PRMT8: variants seen among roughly 807,000 people sequenced by gnomAD.
PRMT8 encodes protein arginine N-methyltransferase 8.
In PRMT8, 7 loss-of-function variants were observed where a neutral mutation model predicts 47.1. That is an observed-to-expected ratio of 0.15 (90% confidence interval 0.08 to 0.28). The LOEUF is 0.28. Among genes scored for constraint, PRMT8 ranks in the 10% least tolerant of loss-of-function variants. The probability of loss-of-function intolerance (pLI) is 1.00; values close to 1 mark genes in which losing one functional copy is unlikely to be tolerated. For synonymous variants in PRMT8, 188 were observed against 186.5 expected (o/e 1.01, Z -0.07); for missense variants, 237 against 505.4 (o/e 0.47, Z 5.09).
intron 1 of PRMT8, among the ~76,000 whole-genome samples, chr12:3,515,967 T>G (rs557768686): frequency 6.6e-6 from 1 of 152,336 alleles, no homozygotes; most frequent in South Asian, 2.1e-4. Flanking sequence ...ACTTTACCTG[T>G]AAGGTCTCTG....
chr12:3,401,097 A>G lies in PRMT8; in HGVS notation c.48+19655A>G, dbSNP rs1320295008. 2.1e-5 allele frequency among the ~76,000 whole-genome samples: 3 copies of G among 145,588 alleles called. No homozygotes were observed. The East Asian group carries it at 6.4e-4, about 31-fold the overall frequency. On this transcript the variant is annotated intron_variant, in intron 1 of 9. Transcript: ENST00000452611. ...GGGAGGTGGAGGTTGTGGTGAGCTG[A>G]GATCGCACCATTACACTCCAGCCTG...
chr12:3,384,812 G>A (rs1864124547), intron 1 of PRMT8, among the ~76,000 whole-genome samples: 1 of 152,176 alleles, frequency 6.6e-6, no homozygotes, highest in Non-Finnish European at 1.5e-5. Context: ...CCCTCCTGGT[G>A]TGTTGGATGA....
chr12:3,558,028 G>T (rs1320460813), intron 4 of PRMT8, among the ~76,000 whole-genome samples: 4 of 152,084 alleles, frequency 2.6e-5, no homozygotes, highest in Non-Finnish European at 4.4e-5. Flanking sequence ...AATGTCTGGG[G>T]CTCTGGAAAC....
chr12:3,558,246 C>G (rs1261802351), intron 4 of PRMT8, among the ~76,000 whole-genome samples: 1 of 151,798 alleles, frequency 6.6e-6, no homozygotes, highest in Non-Finnish European at 1.5e-5. Flanking sequence ...TCCCCTTCCT[C>G]CCCTTCCTTC....
intron 7 of PRMT8, among the ~76,000 whole-genome samples, chr12:3,577,645 T>C (rs113617354): frequency 4.8e-4 from 72 of 151,136 alleles, no homozygotes; most frequent in Non-Finnish European, 7.2e-4. Context: ...CACAAATTCG[T>C]AAACTTAAAA....
chr12:3,428,770 T>TTC (rs970933891), intron 1 of PRMT8, among the ~76,000 whole-genome samples: 32 of 148,422 alleles, frequency 2.2e-4, no homozygotes, highest in African/African-American at 7.2e-4. Flanking sequence ...GCCTCTCTCT[T>TTC]TCTCTCTCTC....
chr12:3,475,240 A>C (rs1002010711), intron 1 of PRMT8, among the ~76,000 whole-genome samples: 1 of 152,034 alleles, frequency 6.6e-6, no homozygotes, highest in Non-Finnish European at 1.5e-5. Context: ...GTCATGAAGG[A>C]GAGGGGGACA....
chr12:3,459,275 A>C (rs986368317), intron 1 of PRMT8, among the ~76,000 whole-genome samples: 5 of 152,208 alleles, frequency 3.3e-5, no homozygotes, highest in African/African-American at 7.2e-5. Flanking sequence ...TGGATGGAAT[A>C]GATGGGCCCT....
At chr12:3,475,786 T>C (rs976630100) in intron 1 of PRMT8, among the ~76,000 whole-genome samples, 14 of 152,046 alleles carry the variant, frequency 9.2e-5, no homozygotes, top group African/African-American at 3.4e-4. Context: ...GGCTGCTGAT[T>C]CTTGGGGAGG....
At chr12:3,432,753 T>C (rs1356926331) in intron 1 of PRMT8, among the ~76,000 whole-genome samples, 1 of 152,174 alleles carries the variant, frequency 6.6e-6, no homozygotes, top group Non-Finnish European at 1.5e-5. Flanking sequence ...AAAAAATTCT[T>C]TTTTTGTGGT....
chr12:3,448,029 G>C (rs527972113), intron 1 of PRMT8, among the ~76,000 whole-genome samples: 1 of 152,168 alleles, frequency 6.6e-6, no homozygotes, highest in Non-Finnish European at 1.5e-5. Context: ...TTCTTGCTCT[G>C]TTGCCCAAGC....
chr12:3,479,885 C>A (rs920221750), intron 1 of PRMT8, among the ~76,000 whole-genome samples: 2 of 151,982 alleles, frequency 1.3e-5, no homozygotes, highest in African/African-American at 4.8e-5. Context: ...GCACTATATA[C>A]CCACTTAAAA....
At chr12:3,555,257 G>A (rs1866505152) in intron 4 of PRMT8, among the ~76,000 whole-genome samples, 1 of 152,244 alleles carries the variant, frequency 6.6e-6, no homozygotes, top group Non-Finnish European at 1.5e-5. Flanking sequence ...AGATCACAAA[G>A]TCAGCTGACA....
intron 7 of PRMT8, among the ~76,000 whole-genome samples, chr12:3,578,600 C>T (rs920401589): frequency 1.3e-5 from 2 of 152,152 alleles, no homozygotes; most frequent in Non-Finnish European, 2.9e-5. Context: ...TGCTCCTGCA[C>T]GCATCATTCT....
At chr12:3,587,361 G>A (rs1389677894) in intron 8 of PRMT8, among the ~76,000 whole-genome samples, 4 of 150,052 alleles carry the variant, frequency 2.7e-5, no homozygotes, top group Admixed American at 6.6e-5. Flanking sequence ...ACTATTAGAA[G>A]GTAAATACAT....
intron 1 of PRMT8, 44 bp downstream of exon 1, chr12:3,491,744 C>T (rs762775660): frequency 1.9e-5 from 30 of 1,566,700 alleles, no homozygotes; most frequent in Non-Finnish European, 2.4e-5. Context: ...CCCCGCCGCC[C>T]ACCCGGACCA....
intron 1 of PRMT8, among the ~76,000 whole-genome samples, chr12:3,394,448 T>C (rs906363937): frequency 0.014 from 2,065 of 152,278 alleles, 36 homozygotes; most frequent in African/African-American, 0.045. Context: ...CAAAGGACTT[T>C]TCTGCATCTA....
intron 7 of PRMT8, among the ~76,000 whole-genome samples, chr12:3,579,856 G>C (rs1867021486): frequency 6.6e-6 from 1 of 152,168 alleles, no homozygotes; most frequent in South Asian, 2.1e-4. Context: ...GCACTTCTGA[G>C]TAATTTATGC....
intron 1 of PRMT8, among the ~76,000 whole-genome samples, chr12:3,422,660 A>T (rs987544758): frequency 6.6e-6 from 1 of 152,190 alleles, no homozygotes; most frequent in African/African-American, 2.4e-5. Context: ...GCTTTTCCAT[A>T]CAATGTCTGA....
Sources: gnomAD v4.1 joint callset for allele counts (sites outside exome capture counted in the v4.1 genomes callset) on GRCh38, gnomAD v4.1.1 for gene constraint, MANE v1.5 for transcripts, NCBI Gene and HGNC (gene_info 2026-07-23, HGNC 2026-07-21) for gene names.